Variants in TTBK1 observed in about 807,000 individuals in gnomAD.
TTBK1 encodes tau tubulin kinase 1.
TTBK1 carries 34 observed loss-of-function variants against 108.5 expected under a neutral mutation model. That is an observed-to-expected ratio of 0.31 (90% CI 0.24 to 0.42). The LOEUF (loss-of-function observed/expected upper bound fraction) is 0.42. TTBK1 is among the 10% of genes least tolerant of loss of function. The pLI is 1.00. For synonymous variants in TTBK1, 809 were observed against 795.1 expected, an observed-to-expected ratio of 1.02 and a Z score of -0.29; for missense variants, 1,539 against 1,826.0, an observed-to-expected ratio of 0.84 and a Z score of 2.86.
Position 43,255,623 on chromosome 6 carries a change from C to G in TTBK1, c.714C>G (p.Pro238=). Residue 238 remains proline, a synonymous_variant, in exon 8 of 15, where the codon CCC becomes CCG. Transcript: ENST00000259750. ...TGGAGTTTGCAGTGGGCCAGCTGCC[C>G]TGGAGGAAGATCAAGGACAAGGTGA... ...MLVEFAVGQL[P]WRKIKDKEQV... 1 of 1,614,092 alleles carries G rather than the reference C, an allele frequency of 6.2e-7. No individual in the cohort carries two copies. The highest frequency in any genetic ancestry group is 8.5e-7 in the Non-Finnish European group (1 of 1,179,996).
intron 13 of TTBK1, among the ~76,000 whole-genome samples, chr6:43,264,663 G>A (rs1217603636): frequency 1.3e-5 from 2 of 152,172 alleles, no homozygotes; most frequent in African/African-American, 4.8e-5. Context: ...CATGGGAGGA[G>A]CACAGGGGAG....
At chr6:43,250,938 T>C (rs1490653128) in intron 2 of TTBK1, among the ~76,000 whole-genome samples, 2 of 152,264 alleles carry the variant, frequency 1.3e-5, no homozygotes, top group Admixed American at 6.5e-5. Flanking sequence ...GACATGCCGT[T>C]GTTTCCAGTT....
In TTBK1 at chr6:43,283,817, C is replaced by T. The variant is rs373459039; in HGVS notation, c.3077C>T (p.Pro1026Leu). ...NGPALADGPA[P>L]VSPLEPSPEK... The stretch of plus-strand genomic sequence containing the variant: ...CCGGCCCTTGCAGACGGGCCAGCCC[C>T]GGTGTCCCCGCTGGAGCCAAGCCCT... Residue 1026 changes from proline (P) to leucine (L), a missense_variant, in exon 14 of 15, where the codon CCG becomes CTG. Physicochemically the swap from Pro to Leu is moderately conservative, Grantham distance 98. This residue lies in a region of TTBK1 where 1,055 missense variants were observed against 1,086.5 expected (regional missense o/e 0.97). Transcript: ENST00000259750. This position sits in a 1 kb window ranked among gnomAD's most constrained non-coding sequence, Gnocchi z 8.1. The T allele has an allele frequency of 3.5e-5, 56 of 1,612,284 alleles. No homozygotes were observed. The highest frequency in any genetic ancestry group is 9.9e-5 in the South Asian group (9 of 90,970).
chr6:43,286,345 A>G lies in TTBK1; in HGVS notation c.*969A>G, dbSNP rs1408393180. On this transcript the variant is annotated 3_prime_UTR_variant, in exon 15 of 15. Coordinates refer to ENST00000259750, the MANE Select transcript of TTBK1 (RefSeq NM_032538.3). This position sits in a 1 kb window ranked among gnomAD's most constrained non-coding sequence, Gnocchi z 4.6. ...CTGTCATCTAACCTCAGTCCTGCCTACTGCAGTTCCAGCCAACCTGCTCTT... is the reference window on the plus strand; with the variant it reads ...CTGTCATCTAACCTCAGTCCTGCCTGCTGCAGTTCCAGCCAACCTGCTCTT... 6.6e-6 allele frequency: 1 copy of G among 152,628 alleles called. No individual in the cohort carries two copies. Among genetic ancestry groups the G allele is most frequent in the African/African-American group, 2.4e-5 (1 of 41,420 alleles). The allele number at this position is 152,628 out of a possible 1,614,324, so 9.5% of individuals were successfully genotyped here. A position where few individuals can be genotyped will look rare whatever the true frequency, so the allele number is the denominator to read the frequency against.
At chr6:43,248,541 G>C (rs1001011385) in intron 2 of TTBK1, among the ~76,000 whole-genome samples, 1 of 152,162 alleles carries the variant, frequency 6.6e-6, no homozygotes, top group African/African-American at 2.4e-5. Flanking sequence ...TGGCCAACAC[G>C]GTGAAACCTC....
In TTBK1 at chr6:43,285,546, G is replaced by T; in HGVS notation, c.*170G>T. On this transcript the variant is annotated 3_prime_UTR_variant, in exon 15 of 15. Transcript: ENST00000259750. This position sits in a 1 kb window ranked among gnomAD's most constrained non-coding sequence, Gnocchi z 4.7. ...CGCGCGCGAGCACACGCGGCGCCCC[G>T]CCAGGCCTTAGGGCCCGTGGGGGAC... The T allele has an allele frequency of 1.1e-6, 1 of 918,918 alleles. No homozygotes were observed. The highest frequency in any genetic ancestry group is 1.4e-6 in the Non-Finnish European group (1 of 710,700). The allele number at this position is 918,918 out of a possible 1,614,324, so 56.9% of individuals were successfully genotyped here.
Position 43,285,572 on chromosome 6 carries a change from G to A in TTBK1, c.*196G>A, listed in dbSNP as rs1778355811. 1 of 597,662 alleles carries A rather than the reference G, an allele frequency of 1.7e-6. No individual in the cohort carries two copies. The highest frequency in any genetic ancestry group is 2.4e-6 in the Non-Finnish European group (1 of 420,744). The allele number at this position is 597,662 out of a possible 1,614,324, so 37.0% of individuals were successfully genotyped here. ...CCAGGCCTTAGGGCCCGTGGGGGAC[G>A]CGGCCCCGCGCCGCGGGGAGGGTCT... is the stretch of plus-strand genomic sequence containing the variant. On this transcript the variant is annotated 3_prime_UTR_variant, in exon 15 of 15. Transcript: ENST00000259750. This position sits in a 1 kb window ranked among gnomAD's most constrained non-coding sequence, Gnocchi z 4.7.
At position 43,258,965 on chromosome 6, in the gene TTBK1, TG is replaced by T. The variant is rs998174003; in HGVS notation, c.1017-71del. Reference sequence around the variant, plus strand: ...CTGGGGGTGGTCTCCAGGTCTGTGCTGGTAGGAGAGGGCCATGGAAGGAGAG... The same window carrying T: ...CTGGGGGTGGTCTCCAGGTCTGTGCTGTAGGAGAGGGCCATGGAAGGAGAG... On this transcript the variant is annotated intron_variant, in intron 10 of 14. Transcript: ENST00000259750. 2.5e-6 allele frequency: 3 copies of T among 1,180,812 alleles called. No individual in the cohort carries two copies. The African/African-American group carries it at 4.5e-5, about 18-fold the overall frequency. 73.1% of individuals were successfully genotyped at this position (1,180,812 alleles called of 1,614,324 possible).
intron 7 of TTBK1, 51 bp downstream of exon 7, chr6:43,255,165 C>T (rs774713874): frequency 1.0e-4 from 36 of 351,476 alleles, no homozygotes; most frequent in Non-Finnish European, 1.8e-4. Flanking sequence ...GGGGCAAGGT[C>T]GGGGTGCAGT....
chr6:43,256,995 T>C (rs114589814), intron 9 of TTBK1, among the ~76,000 whole-genome samples: 3,979 of 152,162 alleles, frequency 0.026, 204 homozygotes, highest in African/African-American at 0.091. Context: ...ACATCAGCAG[T>C]GTTCTGCCTG....
chr6:43,243,679 G>A lies in TTBK1; in HGVS notation c.-84G>A. ...CCGAGCTGCTGCCTCCGCCGCCGCC[G>A]CAGCCGCAGCCGCAGCGGGCACAGA... On this transcript the variant is annotated 5_prime_UTR_variant, in exon 1 of 15. Coordinates refer to ENST00000259750, the MANE Select transcript of TTBK1 (RefSeq NM_032538.3). The surrounding 1 kb of genome is among the most constrained non-coding windows in gnomAD (Gnocchi z 5.5). The A allele has an allele frequency of 6.5e-6, 1 of 153,202 alleles. No individual in the cohort carries two copies. Among genetic ancestry groups the A allele is most frequent in the South Asian group, 1.8e-4 (1 of 5,658 alleles). The allele number at this position is 153,202 out of a possible 1,614,324, so 9.5% of individuals were successfully genotyped here.
At chr6:43,270,458 T>TCC (rs1404474522) in intron 13 of TTBK1, 1 of 989,784 alleles carries the variant, frequency 1.0e-6, no homozygotes, top group Non-Finnish European at 1.2e-6. Flanking sequence ...TGTGTGTGTG[T>TCC]CCCTGTGTAT....
rs761103554 is a variant in TTBK1, at chr6:43,283,434, G to A, written c.2694G>A (p.Pro898=). Residue 898 remains proline, a synonymous_variant, in exon 14 of 15, where the codon CCG becomes CCA. Transcript: ENST00000259750. The surrounding 1 kb of genome is among the most constrained non-coding windows in gnomAD (Gnocchi z 8.1). The stretch of plus-strand genomic sequence containing the variant: ...TCCTCAAGTCTGAGCCCAAGCCCCC[G>A]GGGCCTGGGGCAGGGCTGGGGGCCG... ...SSVLKSEPKP[P]GPGAGLGAGT... The A allele has an allele frequency of 2.1e-5, 34 of 1,613,528 alleles. No individual in the cohort carries two copies. Among genetic ancestry groups the A allele is most frequent in the South Asian group, 6.6e-5 (6 of 91,022 alleles).
At position 43,264,785 on chromosome 6, in the gene TTBK1, T is replaced by G. The variant is rs1033317200; in HGVS notation, c.1986+1435T>G. ...GAGGAGGTGAGCTCTGAGAGCCAGGTGGATGGCCGTGGGGAGGAGTGGAGC... is the reference window on the plus strand; with the variant it reads ...GAGGAGGTGAGCTCTGAGAGCCAGGGGGATGGCCGTGGGGAGGAGTGGAGC... On this transcript the variant is annotated intron_variant, in intron 13 of 14. Transcript: ENST00000259750. 5.9e-5 allele frequency among the ~76,000 whole-genome samples: 9 copies of G among 152,078 alleles called. 1 individual carries two copies. In the South Asian group the frequency reaches 1.9e-3, roughly 32 times the overall value.
Position 43,285,188 on chromosome 6 carries a change from C to G in TTBK1, c.3778C>G (p.Pro1260Ala). ...RSQSLSRRES[P>A]SPSHQARPGV... Reference sequence around the variant, plus strand: ...CCAGTCCCTGTCCCGCAGAGAGAGCCCCTCCCCCTCGCACCAGGCCCGGCC... The same window carrying G: ...CCAGTCCCTGTCCCGCAGAGAGAGCGCCTCCCCCTCGCACCAGGCCCGGCC... The change falls in exon 15 of 15, where the codon CCC becomes GCC. Residue 1260 changes from proline (P) to alanine (A), a missense_variant. Pro to Ala is a conservative substitution (Grantham distance 27, BLOSUM62 -1). Around this residue, in one of 5 missense-constraint regions of TTBK1, gnomAD observed 1,055 missense variants for 1,086.5 expected, o/e 0.97. Coordinates refer to ENST00000259750, the MANE Select transcript of TTBK1 (RefSeq NM_032538.3). This position sits in a 1 kb window ranked among gnomAD's most constrained non-coding sequence, Gnocchi z 4.7. 7.3e-7 allele frequency: 1 copy of G among 1,364,814 alleles called. No homozygotes were observed. The highest frequency in any genetic ancestry group is 9.4e-7 in the Non-Finnish European group (1 of 1,065,096). 84.5% of individuals were successfully genotyped at this position (1,364,814 alleles called of 1,614,324 possible). A position where few individuals can be genotyped will look rare whatever the true frequency, so the allele number is the denominator to read the frequency against.
In TTBK1 at chr6:43,246,831, C is replaced by T. The variant is rs1379414684; in HGVS notation, c.108+63C>T. ...GGGGAGGGAGGCGAGGACCTGGAGA[C>T]TTGTTAAAACCGGTGCCCTCCGCTC... On this transcript the variant is annotated intron_variant, in intron 2 of 14. Coordinates refer to ENST00000259750, the MANE Select transcript of TTBK1 (RefSeq NM_032538.3). The T allele has an allele frequency of 3.6e-6, 5 of 1,380,750 alleles. No individual in the cohort carries two copies. In the East Asian group the frequency reaches 1.2e-4, roughly 33 times the overall value. The allele number at this position is 1,380,750 out of a possible 1,614,324, so 85.5% of individuals were successfully genotyped here.
rs578259245 is a variant in TTBK1 at position 43,283,340 on chromosome 6, C to T, written c.2600C>T (p.Pro867Leu). 88 of 1,590,632 alleles carry T rather than the reference C, an allele frequency of 5.5e-5. No individual in the cohort carries two copies. The Middle Eastern group carries it at 8.3e-4, about 15-fold the overall frequency. The change falls in exon 14 of 15, where the codon CCT becomes CTT. Residue 867 changes from proline to leucine, a missense_variant. Coordinates refer to ENST00000259750, the MANE Select transcript of TTBK1 (RefSeq NM_032538.3). The surrounding 1 kb of genome is among the most constrained non-coding windows in gnomAD (Gnocchi z 8.1). ...PDLGTLAALT[P>L]QHERPQPTGS... ...CTGGGCACCCTGGCTGCCCTCACTC[C>T]TCAGCATGAGCGGCCCCAGCCCACG... is the stretch of plus-strand genomic sequence containing the variant.
At chr6:43,247,199 G>T (rs374560537) in intron 2 of TTBK1, among the ~76,000 whole-genome samples, 1 of 152,166 alleles carries the variant, frequency 6.6e-6, no homozygotes, top group African/African-American at 2.4e-5. Context: ...AAGAGGCCCT[G>T]CAGGCTGCTC....
chr6:43,285,567 G>T lies in TTBK1; in HGVS notation c.*191G>T. The T allele has an allele frequency of 1.5e-6, 1 of 661,206 alleles. No homozygotes were observed. Among genetic ancestry groups the T allele is most frequent in the Non-Finnish European group, 2.1e-6 (1 of 477,720 alleles). The allele number at this position is 661,206 out of a possible 1,614,324, so 41.0% of individuals were successfully genotyped here. The stretch of plus-strand genomic sequence containing the variant: ...CCCCGCCAGGCCTTAGGGCCCGTGG[G>T]GGACGCGGCCCCGCGCCGCGGGGAG... On this transcript the variant is annotated 3_prime_UTR_variant, in exon 15 of 15. Coordinates refer to ENST00000259750, the MANE Select transcript of TTBK1 (RefSeq NM_032538.3). This position sits in a 1 kb window ranked among gnomAD's most constrained non-coding sequence, Gnocchi z 4.7.
Sources: allele counts gnomAD v4.1 joint callset (sites outside exome capture counted in the v4.1 genomes callset), GRCh38; gene constraint gnomAD v4.1.1; regional missense constraint gnomAD v4.1.1; non-coding constraint Gnocchi (gnomAD v3.1); transcripts MANE v1.5; gene names NCBI Gene and HGNC (gene_info 2026-07-23, HGNC 2026-07-21).